GPC5: variants seen among roughly 807,000 people sequenced by gnomAD.
GPC5 encodes glypican-5.
A neutral mutation model predicts 53.9 loss-of-function variants in GPC5; 47 were observed. The ratio of observed to expected loss-of-function variants is 0.87; its 90% CI spans 0.69 to 1.11. The LOEUF (loss-of-function observed/expected upper bound fraction) is 1.11, where lower values mean the gene tolerates loss of function less well. Ranked by LOEUF, GPC5 falls within the 50% of genes most tolerant of loss-of-function variation. GPC5 has a pLI of 0.00. For synonymous variants in GPC5, 286 were observed against 263.3 expected, an observed-to-expected ratio of 1.09 and a Z score of -0.84; for missense variants, 748 against 713.1, an observed-to-expected ratio of 1.05 and a Z score of -0.56.
intron 6 of GPC5, among the ~76,000 whole-genome samples, chr13:91,976,289 T>TAA (rs561979852): frequency 6.6e-6 from 1 of 152,022 alleles, no homozygotes; most frequent in African/African-American, 2.4e-5. Context: ...AAAGAAAATT[T>TAA]AAAAAAATAG....
At chr13:91,829,728 T>C (rs1365002529) in intron 5 of GPC5, among the ~76,000 whole-genome samples, 1 of 152,020 alleles carries the variant, frequency 6.6e-6, no homozygotes, top group African/African-American at 2.4e-5. Flanking sequence ...GAGAGAAATT[T>C]TAAAGCTGGG....
At chr13:92,291,154 G>A (rs558276279) in intron 7 of GPC5, among the ~76,000 whole-genome samples, 13 of 152,230 alleles carry the variant, frequency 8.5e-5, no homozygotes, top group Admixed American at 1.3e-4. Context: ...CTGTGCGGCC[G>A]GAGCCTCCCC....
intron 6 of GPC5, among the ~76,000 whole-genome samples, chr13:92,001,839 T>G (rs1217012288): frequency 1.3e-5 from 2 of 152,150 alleles, no homozygotes; most frequent in African/African-American, 4.8e-5. Context: ...AAAATATTAG[T>G]GAATTGGAAG....
At chr13:92,145,339 A>C (rs1039558421) in intron 7 of GPC5, among the ~76,000 whole-genome samples, 1 of 152,200 alleles carries the variant, frequency 6.6e-6, no homozygotes, top group Non-Finnish European at 1.5e-5. Context: ...TAATAATCAA[A>C]TTGTGCAATT....
At chr13:91,923,779 C>G (rs1373214435) in intron 6 of GPC5, among the ~76,000 whole-genome samples, 1 of 151,974 alleles carries the variant, frequency 6.6e-6, no homozygotes, top group Non-Finnish European at 1.5e-5. Flanking sequence ...TCAAACCAGG[C>G]CTGAAACTTA....
At chr13:91,447,669 T>C (rs1453670246) in intron 1 of GPC5, among the ~76,000 whole-genome samples, 2 of 152,166 alleles carry the variant, frequency 1.3e-5, no homozygotes, top group African/African-American at 2.4e-5. Flanking sequence ...AAGGTGGTTG[T>C]TATGTGCATG....
intron 2 of GPC5, among the ~76,000 whole-genome samples, chr13:91,616,601 G>C (rs1228824984): frequency 1.3e-5 from 2 of 151,710 alleles, no homozygotes; most frequent in African/African-American, 2.4e-5. Flanking sequence ...GTTTATCTCT[G>C]CCAATTTTTT....
intron 7 of GPC5, among the ~76,000 whole-genome samples, chr13:92,641,227 C>T (rs1262468070): frequency 6.6e-6 from 1 of 152,118 alleles, no homozygotes; most frequent in East Asian, 1.9e-4. Flanking sequence ...CAATAAGAGG[C>T]ATGTAGATGT....
At chr13:91,948,742 AT>A (rs539383317) in intron 6 of GPC5, among the ~76,000 whole-genome samples, 149 of 152,334 alleles carry the variant, frequency 9.8e-4, no homozygotes, top group African/African-American at 3.5e-3. Flanking sequence ...ACTTCAATCC[AT>A]TTTGTAACAA....
At chr13:91,808,348 G>A (rs1281738170) in intron 5 of GPC5, among the ~76,000 whole-genome samples, 1 of 152,028 alleles carries the variant, frequency 6.6e-6, no homozygotes, top group African/African-American at 2.4e-5. Context: ...CCGATTTTGT[G>A]CCTTCCCATC....
chr13:92,632,489 C>CAT (rs1158385208), intron 7 of GPC5, among the ~76,000 whole-genome samples: 2 of 87,362 alleles, frequency 2.3e-5, no homozygotes, highest in Admixed American at 2.1e-4. Flanking sequence ...TATATATACA[C>CAT]ATATATATAT....
intron 6 of GPC5, among the ~76,000 whole-genome samples, chr13:92,014,737 A>G (rs2040692348): frequency 1.3e-5 from 2 of 152,080 alleles, no homozygotes; most frequent in South Asian, 2.1e-4. Flanking sequence ...TACATTATTG[A>G]CTCAATTTGT....
intron 7 of GPC5, among the ~76,000 whole-genome samples, chr13:92,574,972 G>C (rs1172936500): frequency 8.5e-5 from 13 of 152,102 alleles, no homozygotes; most frequent in Admixed American, 6.6e-4. Flanking sequence ...AAACCTCAAT[G>C]ATTTCCCTGA....
At chr13:92,467,123 T>C (rs999066700) in intron 7 of GPC5, among the ~76,000 whole-genome samples, 2 of 152,148 alleles carry the variant, frequency 1.3e-5, no homozygotes, top group African/African-American at 4.8e-5. Flanking sequence ...AGCAAGCCTT[T>C]CTCAAATGGC....
At chr13:92,275,993 G>A (rs34061209) in intron 7 of GPC5, among the ~76,000 whole-genome samples, 13,009 of 152,098 alleles carry the variant, frequency 0.086, 617 homozygotes, top group Middle Eastern at 0.12. Context: ...GTGCAAGGGA[G>A]GTTAATAACA....
intron 6 of GPC5, among the ~76,000 whole-genome samples, chr13:92,102,999 C>T (rs757139324): frequency 3.9e-5 from 6 of 152,130 alleles, no homozygotes; most frequent in South Asian, 2.1e-4. Flanking sequence ...GCTGGGATGA[C>T]AGAAGTGTTA....
rs188992922 is a variant in GPC5 at position 91,720,134 on chromosome 13, C to A, written c.1021-8398C>A. On this transcript the variant is annotated intron_variant, in intron 3 of 7. Coordinates refer to ENST00000377067, the MANE Select transcript of GPC5 (RefSeq NM_004466.6). ...CCCAAAAAACAAAACAAAACAGAAT[C>A]TCACTAGATTCCATCCCTTCTCTAG... Among the ~76,000 whole-genome samples, 145 of 152,310 alleles carry A rather than the reference C, an allele frequency of 9.5e-4. 1 individual carries two copies. Among genetic ancestry groups the A allele is most frequent in the Non-Finnish European group, 4.3e-4 (29 of 68,026 alleles).
At chr13:91,883,934 C>T (rs2039295193) in intron 5 of GPC5, among the ~76,000 whole-genome samples, 1 of 152,070 alleles carries the variant, frequency 6.6e-6, no homozygotes, top group African/African-American at 2.4e-5. Context: ...TCCTCTCCCT[C>T]CTCCCAGCTT....
At chr13:92,144,513 A>G (rs1357476418) in intron 6 of GPC5, among the ~76,000 whole-genome samples, 3 of 152,194 alleles carry the variant, frequency 2.0e-5, no homozygotes, top group Non-Finnish European at 4.4e-5. Context: ...ATATTTAAAC[A>G]TTATTTGTTC....
Sources: gnomAD v4.1 joint callset for allele counts (sites outside exome capture counted in the v4.1 genomes callset) on GRCh38, gnomAD v4.1.1 for gene constraint, MANE v1.5 for transcripts, NCBI Gene and HGNC (gene_info 2026-07-23, HGNC 2026-07-21) for gene names.